ITPRID1: variants seen among roughly 807,000 people sequenced by gnomAD.
ITPRID1 encodes ITPR interacting domain containing 1, also known as protein ITPRID1.
Under a neutral mutation model 95.4 loss-of-function variants are expected in ITPRID1, and 96 were observed. That is an observed-to-expected ratio of 1.01 (90% CI 0.85 to 1.19). The LOEUF (loss-of-function observed/expected upper bound fraction) is 1.19, where lower values mean the gene tolerates loss of function less well. Ranked by LOEUF, ITPRID1 falls within the 50% of genes most tolerant of loss-of-function variation. The pLI is 0.00. For synonymous variants in ITPRID1, 510 were observed against 453.6 expected (o/e 1.12, Z -1.58); for missense variants, 1,339 against 1,252.9 (o/e 1.07, Z -1.04).
chr7:31,541,564 A>C (rs1413999905), intron 1 of ITPRID1, among the ~76,000 whole-genome samples: 1 of 152,192 alleles, frequency 6.6e-6, no homozygotes, highest in Non-Finnish European at 1.5e-5. Context: ...CTGATAACAT[A>C]CACTAAGATA....
At chr7:31,558,816 G>T (rs951648405) in intron 5 of ITPRID1, among the ~76,000 whole-genome samples, 2 of 152,164 alleles carry the variant, frequency 1.3e-5, no homozygotes, top group African/African-American at 4.8e-5. Flanking sequence ...TTGTCATTAA[G>T]TTTATCTCTA....
chr7:31,559,085 T>C lies in ITPRID1; in HGVS notation c.256+4184T>C, dbSNP rs767342922. Among the ~76,000 whole-genome samples the C allele has an allele frequency of 1.5e-3, 235 of 152,300 alleles. 2 individuals carry two copies. Among genetic ancestry groups the C allele is most frequent in the Non-Finnish European group, 2.1e-3 (143 of 68,008 alleles). ...ACAAATTAGGTTACAATAACATTGG[T>C]ACCTAAATTTTGCTGGATTATTGCC... is the stretch of plus-strand genomic sequence containing the variant. On this transcript the variant is annotated intron_variant, in intron 5 of 14. Coordinates refer to ENST00000615280, the MANE Select transcript of ITPRID1 (RefSeq NM_001257967.3).
intron 2 of ITPRID1, among the ~76,000 whole-genome samples, chr7:31,550,637 G>T (rs954279682): frequency 6.6e-6 from 1 of 152,112 alleles, no homozygotes; most frequent in Admixed American, 6.6e-5. Context: ...AACTGGGAAG[G>T]CATCCACTAA....
intron 8 of ITPRID1, among the ~76,000 whole-genome samples, chr7:31,576,995 T>G (rs919619424): frequency 3.9e-5 from 6 of 152,138 alleles, no homozygotes; most frequent in Non-Finnish European, 8.8e-5. Context: ...CACATGCTAA[T>G]TAAGTCAATA....
intron 1 of ITPRID1, among the ~76,000 whole-genome samples, chr7:31,532,218 G>A (rs1325860397): frequency 6.6e-6 from 1 of 152,112 alleles, no homozygotes; most frequent in Non-Finnish European, 1.5e-5. Context: ...TATAGTAACA[G>A]TTTTAATATT....
intron 1 of ITPRID1, among the ~76,000 whole-genome samples, chr7:31,514,984 G>A (rs551523336): frequency 6.6e-6 from 1 of 151,900 alleles, no homozygotes; most frequent in African/African-American, 2.4e-5. Context: ...TCAGACCTGA[G>A]AGCCTGGCCC....
chr7:31,536,600 T>G (rs9691257), intron 1 of ITPRID1, among the ~76,000 whole-genome samples: 27,951 of 152,152 alleles, frequency 0.18, 3,070 homozygotes, highest in East Asian at 0.3. Context: ...GTAAATATTT[T>G]TATGATCTTC....
At chr7:31,599,591 TTCTTTC>T (rs1396687045) in intron 10 of ITPRID1, among the ~76,000 whole-genome samples, 2 of 65,456 alleles carry the variant, frequency 3.1e-5, no homozygotes, top group African/African-American at 1.1e-4. Flanking sequence ...GTTATTTTCT[TTCTTTC>T]TTTCTTTCTT....
Position 31,643,382 on chromosome 7 carries a change from C to T in ITPRID1, c.2012C>T (p.Pro671Leu), listed in dbSNP as rs779921596. ...CTCATTCCCCACCTCCATAAACTGC[C>T]TGGAGATCCTGCCCAGGTGAAGTCA... Reference protein sequence around the residue: ...EKLIPHLHKLPGDPAQVKSRS... With the variant: ...EKLIPHLHKLLGDPAQVKSRS... Residue 671 changes from proline (P) to leucine (L), a missense_variant, in exon 12 of 15, where the codon CCT (proline) becomes CTT (leucine). Transcript: ENST00000615280. The T allele has an allele frequency of 1.9e-6, 3 of 1,613,866 alleles. No individual in the cohort carries two copies. Among genetic ancestry groups the T allele is most frequent in the Non-Finnish European group, 2.5e-6 (3 of 1,179,892 alleles).
In ITPRID1 at chr7:31,643,291, C is replaced by G; in HGVS notation, c.1921C>G (p.Gln641Glu). 6.2e-7 allele frequency: 1 copy of G among 1,613,820 alleles called. No individual in the cohort carries two copies. The highest frequency in any genetic ancestry group is 8.5e-7 in the Non-Finnish European group (1 of 1,179,878). The stretch of plus-strand genomic sequence containing the variant: ...CTTACTCGTACCAGAAAGCTCATCA[C>G]AGTGTATCCCCAAGCACAGTGAAAT... ...HSLLVPESSS[Q>E]CIPKHSEITP... The change falls in exon 12 of 15, where the codon CAG (glutamine) becomes GAG (glutamate). Residue 641 changes from glutamine (Q) to glutamate (E), a missense_variant. Coordinates refer to ENST00000615280, the MANE Select transcript of ITPRID1 (RefSeq NM_001257967.3).
At chr7:31,636,063 C>G (rs1789456017) in intron 10 of ITPRID1, among the ~76,000 whole-genome samples, 1 of 152,270 alleles carries the variant, frequency 6.6e-6, no homozygotes, top group East Asian at 1.9e-4. Flanking sequence ...AGAATGAGAG[C>G]TAGCAGGGGA....
Position 31,578,030 on chromosome 7 carries a change from C to G in ITPRID1, c.766C>G (p.Leu256Val), listed in dbSNP as rs756001751. The change falls in exon 9 of 15, where the codon CTC becomes GTC. Residue 256 changes from leucine (L) to valine (V), a missense_variant. Transcript: ENST00000615280. ...AKEHRRRMGKLLRRASKQNIR... is the reference protein window; with the variant it reads ...AKEHRRRMGKVLRRASKQNIR... The stretch of plus-strand genomic sequence containing the variant: ...AGAGCATCGAAGAAGAATGGGTAAA[C>G]TCTTAAGGAGAGCTTCCAAACAGAA... The G allele has an allele frequency of 6.2e-6, 10 of 1,613,832 alleles. No homozygotes were observed. Among genetic ancestry groups the G allele is most frequent in the East Asian group, 2.2e-5 (1 of 44,852 alleles).
intron 10 of ITPRID1, among the ~76,000 whole-genome samples, 161 bp from the exon 11 acceptor site, chr7:31,642,015 G>A (rs1025436251): frequency 1.3e-5 from 2 of 152,150 alleles, no homozygotes; most frequent in Non-Finnish European, 1.5e-5. Flanking sequence ...TCTGACAATC[G>A]AGAAAAAAAT....
intron 1 of ITPRID1, among the ~76,000 whole-genome samples, chr7:31,516,263 T>G (rs1783037356): frequency 6.6e-6 from 1 of 152,188 alleles, no homozygotes; most frequent in Admixed American, 6.5e-5. Context: ...TGAAGGTTTC[T>G]GCGTGTGTGT....
chr7:31,559,789 C>T (rs1784568050), intron 5 of ITPRID1, among the ~76,000 whole-genome samples: 1 of 152,198 alleles, frequency 6.6e-6, no homozygotes. Context: ...CTTCTTCCTG[C>T]AGCCCATATC....
intron 1 of ITPRID1, among the ~76,000 whole-genome samples, chr7:31,547,372 C>T (rs1784132611): frequency 6.6e-6 from 1 of 152,128 alleles, no homozygotes; most frequent in Admixed American, 6.5e-5. Flanking sequence ...CTGGGGAGGC[C>T]TCAGGAAACT....
chr7:31,642,571 C>A (rs763640197), intron 11 of ITPRID1, 111 bp from the exon 12 acceptor site: 49 of 964,772 alleles, frequency 5.1e-5, no homozygotes, highest in Non-Finnish European at 7.1e-5. Context: ...CCTGATGTTG[C>A]AACCCTTATC....
chr7:31,516,939 G>A (rs1783061466), intron 1 of ITPRID1, among the ~76,000 whole-genome samples: 2 of 152,188 alleles, frequency 1.3e-5, no homozygotes, highest in African/African-American at 4.8e-5. Context: ...GACCTGTCCG[G>A]AGTTTCTTCC....
chr7:31,583,577 G>A (rs1785483785), intron 10 of ITPRID1, among the ~76,000 whole-genome samples: 1 of 152,120 alleles, frequency 6.6e-6, no homozygotes, highest in Non-Finnish European at 1.5e-5. Context: ...GCAGTGAGCT[G>A]AAATCATGCC....
Sources: allele counts gnomAD v4.1 joint callset (sites outside exome capture counted in the v4.1 genomes callset), GRCh38; gene constraint gnomAD v4.1.1; transcripts MANE v1.5; gene names NCBI Gene and HGNC (gene_info 2026-07-23, HGNC 2026-07-21).